The following CNTN5 variants were observed in gnomAD, a reference collection of about 807,000 sequenced individuals.
CNTN5 encodes the protein contactin 5.
CNTN5 carries 77 observed loss-of-function variants against 129.1 expected under a neutral mutation model. The ratio of observed to expected loss-of-function variants is 0.60; its 90% CI spans 0.50 to 0.72. The LOEUF is 0.72. CNTN5 is among the 30% of genes least tolerant of loss of function. CNTN5 has a pLI of 0.00. For missense variants in CNTN5, 1,478 were observed against 1,328.8 expected (o/e 1.11, Z -1.75); for synonymous variants, 509 against 465.6 (o/e 1.09, Z -1.20).
At chr11:100,319,860 A>T (rs1951651247) in intron 21 of CNTN5, among the ~76,000 whole-genome samples, 1 of 152,166 alleles carries the variant, frequency 6.6e-6, no homozygotes, top group South Asian at 2.1e-4. Context: ...AGATTCATTT[A>T]TGTTGTTGCA....
intron 2 of CNTN5, among the ~76,000 whole-genome samples, chr11:99,501,804 TCATTCA>T (rs1175631825): frequency 1.3e-5 from 2 of 152,268 alleles, no homozygotes; most frequent in African/African-American, 4.8e-5. Context: ...ATTGCATATG[TCATTCA>T]CATTCTCCAA....
intron 9 of CNTN5, among the ~76,000 whole-genome samples, chr11:100,023,267 A>G (rs1941256068): frequency 6.6e-6 from 1 of 152,146 alleles, no homozygotes; most frequent in African/African-American, 2.4e-5. Flanking sequence ...CTTTCGCAAT[A>G]TTTGATCTTC....
rs1302653977 is a variant in CNTN5 at position 99,853,239 on chromosome 11, A to AC, written c.577+7978dup. On this transcript the variant is annotated intron_variant, in intron 6 of 24. Coordinates refer to ENST00000524871, the MANE Select transcript of CNTN5 (RefSeq NM_014361.4). Reference sequence around the variant, plus strand: ...AATTATTATGCATTGACTTTATTCCACACCAAGTGCTAAATGTTGCTATGT... The same window carrying AC: ...AATTATTATGCATTGACTTTATTCCACCACCAAGTGCTAAATGTTGCTATGT... 1.1e-4 allele frequency among the ~76,000 whole-genome samples: 16 copies of AC among 152,266 alleles called. No individual in the cohort carries two copies. The South Asian group carries it at 2.5e-3, about 24-fold the overall frequency.
intron 1 of CNTN5, among the ~76,000 whole-genome samples, chr11:99,167,880 A>G (rs1452514576): frequency 6.6e-6 from 1 of 152,134 alleles, no homozygotes; most frequent in Admixed American, 6.6e-5. Context: ...TTCACAACAT[A>G]AAATTTAAAA....
chr11:99,944,551 T>A (rs533556057), intron 7 of CNTN5, among the ~76,000 whole-genome samples: 1 of 152,172 alleles, frequency 6.6e-6, no homozygotes, highest in East Asian at 1.9e-4. Context: ...AGTATTCAAA[T>A]AGGAAGAGAG....
chr11:100,141,917 G>A (rs571829686), intron 13 of CNTN5, among the ~76,000 whole-genome samples: 1 of 152,190 alleles, frequency 6.6e-6, no homozygotes, highest in East Asian at 1.9e-4. Context: ...TGTGTGAGTT[G>A]GTGGGCTGAC....
At chr11:99,699,449 G>T (rs1045985506) in intron 3 of CNTN5, among the ~76,000 whole-genome samples, 3 of 151,212 alleles carry the variant, frequency 2.0e-5, no homozygotes, top group African/African-American at 7.3e-5. Flanking sequence ...CAAATATTAT[G>T]CATTGAGGTA....
intron 2 of CNTN5, among the ~76,000 whole-genome samples, chr11:99,473,191 A>G (rs1299993560): frequency 6.6e-6 from 1 of 152,130 alleles, no homozygotes; most frequent in Non-Finnish European, 1.5e-5. Context: ...TCTTATTTAT[A>G]CTTGCTTTGC....
intron 13 of CNTN5, among the ~76,000 whole-genome samples, chr11:100,163,653 G>C (rs1483036371): frequency 6.6e-6 from 1 of 151,734 alleles, no homozygotes; most frequent in Non-Finnish European, 1.5e-5. Context: ...CACACTTCTT[G>C]TTTCTGCTGA....
At chr11:99,930,651 A>G (rs905105455) in intron 7 of CNTN5, among the ~76,000 whole-genome samples, 6 of 152,234 alleles carry the variant, frequency 3.9e-5, no homozygotes, top group Admixed American at 6.5e-5. Flanking sequence ...GCCACTTGTT[A>G]ACATGTTTGT....
At chr11:99,660,798 A>C (rs1040267756) in intron 3 of CNTN5, among the ~76,000 whole-genome samples, 1 of 152,050 alleles carries the variant, frequency 6.6e-6, no homozygotes, top group African/African-American at 2.4e-5. Flanking sequence ...ATCTCAGTGA[A>C]TAGAAACTCT....
intron 1 of CNTN5, among the ~76,000 whole-genome samples, chr11:99,103,852 A>T (rs1347019960): frequency 6.6e-6 from 1 of 152,082 alleles, no homozygotes; most frequent in African/African-American, 2.4e-5. Context: ...TAAAATGTAT[A>T]CCTAAGCCAA....
At chr11:99,032,356 T>G (rs2135095932) in intron 1 of CNTN5, among the ~76,000 whole-genome samples, 1 of 151,018 alleles carries the variant, frequency 6.6e-6, no homozygotes, top group Admixed American at 6.6e-5. Context: ...ACTTCCACAA[T>G]GGTTGAACTA....
At chr11:99,733,471 A>T (rs1242945473) in intron 3 of CNTN5, among the ~76,000 whole-genome samples, 1 of 151,598 alleles carries the variant, frequency 6.6e-6, no homozygotes, top group Non-Finnish European at 1.5e-5. Context: ...AAAAATGAAA[A>T]GATAACTGGG....
chr11:99,875,250 C>T (rs1948602700), intron 6 of CNTN5, among the ~76,000 whole-genome samples: 1 of 152,070 alleles, frequency 6.6e-6, no homozygotes, highest in South Asian at 2.1e-4. Flanking sequence ...ACACGTGAAT[C>T]TCAGAAAAAT....
intron 24 of CNTN5, among the ~76,000 whole-genome samples, chr11:100,353,658 A>C (rs1216942164): frequency 6.6e-6 from 1 of 151,636 alleles, no homozygotes. Flanking sequence ...CTTATAGCTC[A>C]CAAGTGGCTA....
chr11:99,768,242 A>G (rs1336323607), intron 3 of CNTN5, among the ~76,000 whole-genome samples: 3 of 152,138 alleles, frequency 2.0e-5, no homozygotes, highest in Admixed American at 1.3e-4. Flanking sequence ...ATTAATAGTT[A>G]TATACATCCA....
chr11:99,076,342 AC>A (rs199878056), intron 1 of CNTN5, among the ~76,000 whole-genome samples: 4 of 151,904 alleles, frequency 2.6e-5, no homozygotes, highest in South Asian at 4.1e-4. Context: ...ACAAAACAAA[AC>A]AAAAACAAAC....
At chr11:100,304,277 C>T (rs370835146) in intron 20 of CNTN5, among the ~76,000 whole-genome samples, 29 of 151,640 alleles carry the variant, frequency 1.9e-4, no homozygotes, top group African/African-American at 7.0e-4. Context: ...AGAGGTTTCC[C>T]TCTAAGTCTT....
Sources: allele counts gnomAD v4.1 joint callset (sites outside exome capture counted in the v4.1 genomes callset), GRCh38; gene constraint gnomAD v4.1.1; transcripts MANE v1.5; gene names NCBI Gene and HGNC (gene_info 2026-07-23, HGNC 2026-07-21).